Variants in SMCHD1 observed in about 807,000 individuals in gnomAD.
The protein encoded by SMCHD1 is structural maintenance of chromosomes flexible hinge domain-containing protein 1.
In SMCHD1, 78 loss-of-function variants were observed where a neutral mutation model predicts 254.7. The observed-to-expected ratio is 0.31, with a 90% confidence interval of 0.26 to 0.37. The LOEUF (loss-of-function observed/expected upper bound fraction) is 0.37. SMCHD1 is among the 10% of genes least tolerant of loss of function. The pLI is 1.00. For missense variants in SMCHD1, 1,840 were observed against 2,408.1 expected, an observed-to-expected ratio of 0.76 and a Z score of 4.94; for synonymous variants, 766 against 794.9, an observed-to-expected ratio of 0.96 and a Z score of 0.61.
chr18:2,784,505 G>A lies in SMCHD1; in HGVS notation c.5603G>A (p.Arg1868Gln). 1 of 1,612,942 alleles carries A rather than the reference G, an allele frequency of 6.2e-7. No individual in the cohort carries two copies. The highest frequency in any genetic ancestry group is 8.5e-7 in the Non-Finnish European group (1 of 1,179,454). ...CTGACCAGAGATGGAGATCGAATTC[G>A]AAGTAATGGAAAGTTTGGGGGCCTT... ...TLLTRDGDRI[R>Q]SNGKFGGLQN... Residue 1868 changes from arginine to glutamine, a missense_variant, in exon 45 of 48, where the codon CGA becomes CAA. By Grantham distance (43) the Arg-to-Gln change is conservative. Transcript: ENST00000320876.
chr18:2,657,523 A>T (rs544655368), intron 1 of SMCHD1, among the ~76,000 whole-genome samples: 51 of 152,324 alleles, frequency 3.3e-4, no homozygotes, highest in Middle Eastern at 3.4e-3. Flanking sequence ...ATATCAGTAC[A>T]TTAAAGAAAA....
At chr18:2,801,571 A>T (rs1383140885) in intron 47 of SMCHD1, among the ~76,000 whole-genome samples, 2 of 152,278 alleles carry the variant, frequency 1.3e-5, no homozygotes, top group South Asian at 2.1e-4. Context: ...TCTTAACAGT[A>T]TTGAATATTG....
chr18:2,784,837 ATATGTAG>A, intron 45 of SMCHD1: 1 of 571,512 alleles, frequency 1.7e-6, no homozygotes. Flanking sequence ...TTTCATTCTT[ATATGTAG>A]TGCATGCCTG....
intron 34 of SMCHD1, among the ~76,000 whole-genome samples, chr18:2,759,083 T>A (rs2075734237): frequency 6.6e-6 from 1 of 152,218 alleles, no homozygotes; most frequent in South Asian, 2.1e-4. Flanking sequence ...TGCCTAGAGT[T>A]CCTTTAGGTC....
chr18:2,686,151 T>C (rs1390098479), intron 5 of SMCHD1, among the ~76,000 whole-genome samples: 4 of 152,182 alleles, frequency 2.6e-5, no homozygotes, highest in South Asian at 2.1e-4. Context: ...CAAAGATAGT[T>C]TTGCTGAGCA....
At chr18:2,787,948 C>T (rs1371683393) in intron 45 of SMCHD1, among the ~76,000 whole-genome samples, 2 of 152,210 alleles carry the variant, frequency 1.3e-5, no homozygotes, top group Non-Finnish European at 2.9e-5. Flanking sequence ...GGACAGTCAG[C>T]AGCCTTGGGC....
At chr18:2,703,578 A>G in intron 12 of SMCHD1, 114 bp from the exon 13 acceptor site, 1 of 772,862 alleles carries the variant, frequency 1.3e-6, no homozygotes, top group Non-Finnish European at 2.1e-6. Context: ...ATTTTTTATT[A>G]GGTTTTCTGA....
chr18:2,674,129 C>G lies in SMCHD1; in HGVS notation c.622C>G (p.Gln208Glu). The change falls in exon 5 of 48, where the codon CAA becomes GAA. Residue 208 changes from glutamine to glutamate, a missense_variant. Gln to Glu is a conservative substitution (Grantham distance 29, BLOSUM62 2). This residue lies in a region of SMCHD1 where 498 missense variants were observed against 743.5 expected (regional missense o/e 0.67). Transcript: ENST00000320876. ...GTATAGGTTGTCAAAATTCACAAGGCAAGGTGACTTTGAAAGGTTAGAAAA... is the reference window on the plus strand; with the variant it reads ...GTATAGGTTGTCAAAATTCACAAGGGAAGGTGACTTTGAAAGGTTAGAAAA... ...AVYRLSKFTR[Q>E]GDFESDHSGY... is the part of the protein sequence containing the mutation. 1 of 1,587,798 alleles carries G rather than the reference C, an allele frequency of 6.3e-7. No individual in the cohort carries two copies. Among genetic ancestry groups the G allele is most frequent in the Non-Finnish European group, 8.5e-7 (1 of 1,169,978 alleles).
intron 17 of SMCHD1, among the ~76,000 whole-genome samples, chr18:2,711,564 G>A (rs1455105706): frequency 7.1e-6 from 1 of 140,016 alleles, no homozygotes; most frequent in Non-Finnish European, 1.5e-5. Flanking sequence ...CTCACTGCAA[G>A]CTCCGCCTCC....
intron 32 of SMCHD1, 102 bp downstream of exon 32, chr18:2,750,609 A>G (rs2075553078): frequency 1.1e-6 from 1 of 910,680 alleles, no homozygotes; most frequent in African/African-American, 1.7e-5. Flanking sequence ...AGTCTAATGT[A>G]GGAGACAGGG....
chr18:2,733,737 G>A (rs2075190865), intron 25 of SMCHD1, among the ~76,000 whole-genome samples: 1 of 152,210 alleles, frequency 6.6e-6, no homozygotes, highest in South Asian at 2.1e-4. Context: ...AAACGTAATT[G>A]TACTGGAACA....
Position 2,804,057 on chromosome 18 carries a change from C to T in SMCHD1, c.*1505C>T, listed in dbSNP as rs1376848628. On this transcript the variant is annotated 3_prime_UTR_variant, in exon 48 of 48. Transcript: ENST00000320876. ...TAGATTAGGGATACTCACCCCGTAC[C>T]AATATTTGGAGTCCTTAGACATTAG... The T allele has an allele frequency of 2.0e-5, 3 of 151,996 alleles. No individual in the cohort carries two copies. Among genetic ancestry groups the T allele is most frequent in the African/African-American group, 7.3e-5 (3 of 41,360 alleles). The allele number at this position is 151,996 out of a possible 1,614,324, so 9.4% of individuals were successfully genotyped here. A position where few individuals can be genotyped will look rare whatever the true frequency, so the allele number is the denominator to read the frequency against.
intron 15 of SMCHD1, 69 bp downstream of exon 15, chr18:2,706,539 G>GT: frequency 9.2e-7 from 1 of 1,082,518 alleles, no homozygotes; most frequent in Non-Finnish European, 1.4e-6. Flanking sequence ...TAAGTATTCT[G>GT]AGTATGTCAT....
chr18:2,748,098 C>T (rs1020447378), intron 30 of SMCHD1, among the ~76,000 whole-genome samples: 1 of 152,170 alleles, frequency 6.6e-6, no homozygotes, highest in Non-Finnish European at 1.5e-5. Flanking sequence ...AAATCCTGGG[C>T]AGAGCTACTG....
intron 41 of SMCHD1, among the ~76,000 whole-genome samples, chr18:2,774,122 T>C (rs1306856781): frequency 1.3e-5 from 2 of 151,610 alleles, no homozygotes; most frequent in African/African-American, 4.9e-5. Context: ...GTAGCAGTTT[T>C]AAGATTTTTT....
At chr18:2,751,484 T>C (rs532081709) in intron 33 of SMCHD1, 91 bp downstream of exon 33, 14 of 671,638 alleles carry the variant, frequency 2.1e-5, no homozygotes, top group East Asian at 3.3e-5. Context: ...TATAATGTTA[T>C]ATAAATTTGA....
intron 8 of SMCHD1, among the ~76,000 whole-genome samples, chr18:2,695,434 C>T (rs978195688): frequency 5.3e-5 from 8 of 151,882 alleles, no homozygotes; most frequent in East Asian, 1.9e-4. Flanking sequence ...CTCAGCCTCC[C>T]GAGTAGCTGG....
intron 15 of SMCHD1, chr18:2,707,358 T>A (rs910930854): frequency 1.8e-5 from 6 of 338,260 alleles, no homozygotes; most frequent in Non-Finnish European, 3.2e-5. Flanking sequence ...AAAGGTTTTT[T>A]TTTTTCTTCT....
At chr18:2,771,011 T>C (rs145395431) in intron 39 of SMCHD1, among the ~76,000 whole-genome samples, 19 of 152,348 alleles carry the variant, frequency 1.2e-4, no homozygotes, top group African/African-American at 4.6e-4. Context: ...CCCTTTTCAT[T>C]TGTCATATTT....
Sources: gnomAD v4.1 joint callset for allele counts (sites outside exome capture counted in the v4.1 genomes callset) on GRCh38, gnomAD v4.1.1 for gene constraint, gnomAD v4.1.1 regional missense constraint, MANE v1.5 for transcripts, NCBI Gene and HGNC (gene_info 2026-07-23, HGNC 2026-07-21) for gene names.